The following TCP11 variants were observed in gnomAD, a reference collection of about 807,000 sequenced individuals.
TCP11 encodes t-complex 11.
Under a neutral mutation model 45.0 loss-of-function variants are expected in TCP11, and 34 were observed. The observed-to-expected ratio is 0.76, with a 90% confidence interval of 0.57 to 1.01. The LOEUF (loss-of-function observed/expected upper bound fraction) is 1.01. Ranked by LOEUF, TCP11 falls within the 50% of genes least tolerant of loss-of-function variation. The pLI is 0.00. For synonymous variants in TCP11, 227 were observed against 227.0 expected, an observed-to-expected ratio of 1.00 and a Z score of 0.00; for missense variants, 523 against 598.1, an observed-to-expected ratio of 0.87 and a Z score of 1.31.
intron 3 of TCP11, among the ~76,000 whole-genome samples, chr6:35,135,614 C>A: frequency 8.5e-6 from 1 of 118,222 alleles, no homozygotes; most frequent in Non-Finnish European, 1.7e-5. Context: ...AGTGAGACCC[C>A]ATCTCTAAAA....
chr6:35,132,382 C>G (rs10947537), intron 3 of TCP11, among the ~76,000 whole-genome samples: 15 of 152,200 alleles, frequency 9.9e-5, no homozygotes, highest in African/African-American at 3.6e-4. Flanking sequence ...TCTCATTAAA[C>G]TCTATATATG....
intron 3 of TCP11, 126 bp downstream of exon 3, chr6:35,135,981 G>T: frequency 1.7e-6 from 1 of 595,780 alleles, no homozygotes; most frequent in Non-Finnish European, 2.8e-6. Context: ...TTAAGTTGTT[G>T]AGACCTCTCA....
At chr6:35,125,745 A>G (rs1279260042) in intron 4 of TCP11, among the ~76,000 whole-genome samples, 1 of 152,262 alleles carries the variant, frequency 6.6e-6, no homozygotes, top group African/African-American at 2.4e-5. Context: ...CAATAGCCAA[A>G]AGGCATAAAG....
At chr6:35,136,481 TTTCTC>T (rs201130491) in intron 2 of TCP11, among the ~76,000 whole-genome samples, 1,780 of 149,702 alleles carry the variant, frequency 0.012, 36 homozygotes, top group African/African-American at 0.041. Flanking sequence ...ATGAAAAACT[TTTCTC>T]TTAAAAAGTA....
At chr6:35,132,032 T>C (rs1780508432) in intron 3 of TCP11, among the ~76,000 whole-genome samples, 1 of 152,250 alleles carries the variant, frequency 6.6e-6, no homozygotes, top group Admixed American at 6.5e-5. Flanking sequence ...ATATTCAACA[T>C]GATGTAATGC....
At position 35,140,865 on chromosome 6, in the gene TCP11, T is replaced by C. The variant is rs1781680503; in HGVS notation, c.6A>G (p.Pro2=). 2 of 1,570,994 alleles carry C rather than the reference T, an allele frequency of 1.3e-6. No individual in the cohort carries two copies. The highest frequency in any genetic ancestry group is 2.4e-5 in the South Asian group (2 of 84,442). The change falls in exon 2 of 10, where the codon CCA becomes CCG. Residue 2 remains proline, a synonymous_variant. Transcript: ENST00000311875. M[P]DVKESVPPKY... is the part of the protein sequence containing the mutation. ...TCGGGGGCACACTCTCCTTGACGTC[T>C]GGCATTTTGCTGATGGTATCTGGGT...
chr6:35,128,089 T>C (rs960716), intron 4 of TCP11, among the ~76,000 whole-genome samples: 6,509 of 152,304 alleles, frequency 0.043, 291 homozygotes, highest in East Asian at 0.23. Flanking sequence ...TCTCAGTTAC[T>C]GTGGGTCAGA....
At chr6:35,123,651 C>CTT (rs3045081) in intron 4 of TCP11, among the ~76,000 whole-genome samples, 10,397 of 127,902 alleles carry the variant, frequency 0.081, 517 homozygotes, top group African/African-American at 0.13. Context: ...AGTTTTCTTT[C>CTT]TTTTTTTTTT....
At position 35,118,455 on chromosome 6, in the gene TCP11, C is replaced by T; in HGVS notation, c.1326G>A (p.Val442=). ...CAGGAAGGTCTAATAGAGACCGCTGCACACCAAGAACCAAACAGCATTTGA... is the reference window on the plus strand; with the variant it reads ...CAGGAAGGTCTAATAGAGACCGCTGTACACCAAGAACCAAACAGCATTTGA... ...LFLKCCLVLG[V]QRSLLDLPGG... The change falls in exon 10 of 10, where the codon GTG becomes GTA. Residue 442 remains valine, a synonymous_variant. Transcript: ENST00000311875. 2 of 1,614,146 alleles carry T rather than the reference C, an allele frequency of 1.2e-6. No individual in the cohort carries two copies. Among genetic ancestry groups the T allele is most frequent in the African/African-American group, 1.3e-5 (1 of 75,040 alleles).
chr6:35,133,518 G>A (rs771477886), intron 3 of TCP11, among the ~76,000 whole-genome samples: 4 of 151,980 alleles, frequency 2.6e-5, no homozygotes, highest in Non-Finnish European at 5.9e-5. Flanking sequence ...TGGGCCAGGT[G>A]TGGTGGCTCA....
chr6:35,141,145 G>A, intron 1 of TCP11, 60 bp downstream of exon 1: 2 of 1,317,084 alleles, frequency 1.5e-6, no homozygotes, highest in East Asian at 3.1e-5. Flanking sequence ...CCTTCGCGGC[G>A]AGGTGCCCCC....
intron 1 of TCP11, 69 bp from the exon 2 acceptor site, chr6:35,140,953 T>C: frequency 3.6e-6 from 2 of 562,972 alleles, no homozygotes; most frequent in South Asian, 9.8e-5. Context: ...AGGGGGTCCC[T>C]GGGGGCGGCG....
intron 2 of TCP11, chr6:35,140,145 T>C: frequency 1.2e-6 from 2 of 1,610,246 alleles, no homozygotes; most frequent in Non-Finnish European, 1.7e-6. Context: ...CAATCTAATT[T>C]TTCGCATTTC....
chr6:35,132,876 C>G (rs201121585), intron 3 of TCP11, among the ~76,000 whole-genome samples: 1 of 148,238 alleles, frequency 6.7e-6, no homozygotes, highest in African/African-American at 2.4e-5. Flanking sequence ...CTGTGAGCAA[C>G]AAACATCTCT....
chr6:35,140,123 G>A, intron 2 of TCP11: 1 of 1,613,194 alleles, frequency 6.2e-7, no homozygotes, highest in Admixed American at 1.7e-5. Context: ...ATCTAATTCA[G>A]CCGCAAAGCC....
chr6:35,138,500 C>G (rs1349445658), intron 2 of TCP11, among the ~76,000 whole-genome samples: 1 of 150,820 alleles, frequency 6.6e-6, no homozygotes, highest in Non-Finnish European at 1.5e-5. Flanking sequence ...TTCACATGTT[C>G]TCACTTATTT....
In TCP11 at chr6:35,122,273, T is replaced by G. The variant is rs539582879; in HGVS notation, c.422A>C (p.Asp141Ala). Residue 141 changes from aspartate (D) to alanine (A), a missense_variant, in exon 5 of 10, where the codon GAC becomes GCC. Coordinates refer to ENST00000311875, the MANE Select transcript of TCP11 (RefSeq NM_001370687.1). ...TGCCTCCTGCTTGAGCAAGTCCATG[T>G]CCAGAGCTTCTTCAATCTCAATTCT... Reference protein sequence around the residue: ...RLRIEIEEALDMDLLKQEAEH... With the variant: ...RLRIEIEEALAMDLLKQEAEH... The G allele has an allele frequency of 6.2e-7, 1 of 1,614,174 alleles. No individual in the cohort carries two copies. The highest frequency in any genetic ancestry group is 2.2e-5 in the East Asian group (1 of 44,886).
chr6:35,140,038 G>C (rs1781541344), intron 2 of TCP11: 1 of 1,614,054 alleles, frequency 6.2e-7, no homozygotes. Flanking sequence ...CATAGCTGTT[G>C]GAAATGACCC....
chr6:35,125,997 G>T (rs2127656768), intron 4 of TCP11, among the ~76,000 whole-genome samples: 1 of 152,290 alleles, frequency 6.6e-6, no homozygotes, highest in Admixed American at 6.5e-5. Flanking sequence ...TGGGAGAGGG[G>T]AAAGGGAAAT....
Sources: allele counts gnomAD v4.1 joint callset (sites outside exome capture counted in the v4.1 genomes callset), GRCh38; gene constraint gnomAD v4.1.1; transcripts MANE v1.5; gene names NCBI Gene and HGNC (gene_info 2026-07-23, HGNC 2026-07-21).